The following TBC1D2B variants were observed in gnomAD, a reference collection of about 807,000 sequenced individuals.
TBC1D2B encodes the protein TBC1 domain family, member 2B.
In TBC1D2B, 64 loss-of-function variants were observed where a neutral mutation model predicts 100.8. The observed-to-expected ratio is 0.64, with a 90% CI of 0.52 to 0.78. The LOEUF is 0.78. Among genes scored for constraint, TBC1D2B ranks in the 30% least tolerant of loss-of-function variants. The pLI is 0.00. For missense variants in TBC1D2B, 1,052 were observed against 1,218.4 expected (o/e 0.86, Z 2.03); for synonymous variants, 480 against 479.7 (o/e 1.00, Z -0.01).
At chr15:78,031,840 T>C (rs886944757) in intron 3 of TBC1D2B, among the ~76,000 whole-genome samples, 1 of 152,164 alleles carries the variant, frequency 6.6e-6, no homozygotes, top group African/African-American at 2.4e-5. Context: ...TTTTTGGATA[T>C]TGGCCATCAG....
chr15:78,054,950 TAAAA>T (rs955440165), intron 1 of TBC1D2B, among the ~76,000 whole-genome samples: 1 of 151,952 alleles, frequency 6.6e-6, no homozygotes, highest in African/African-American at 2.4e-5. Context: ...GAGAAAGGAT[TAAAA>T]AAAACTGGTA....
intron 11 of TBC1D2B, 25 bp downstream of exon 11, chr15:78,003,280 A>C (rs778684520): frequency 6.2e-7 from 1 of 1,607,336 alleles, no homozygotes; most frequent in Non-Finnish European, 8.5e-7. Context: ...GTATATCTGA[A>C]AATAGCTGAG....
In TBC1D2B at chr15:78,009,121, G is replaced by T; in HGVS notation, c.2271-7C>A. On this transcript the variant is annotated splice_polypyrimidine_tract_variant and splice_region_variant and intron_variant, in intron 9 of 12. Coordinates refer to ENST00000300584, the MANE Select transcript of TBC1D2B (RefSeq NM_144572.2). ...GAGGGCCACTGCCACCAACCTACAA[G>T]CAAAGGGAGGACAAGATGAGAGCCC... is the stretch of plus-strand genomic sequence containing the variant. The T allele has an allele frequency of 6.3e-7, 1 of 1,577,274 alleles. No homozygotes were observed. Among genetic ancestry groups the T allele is most frequent in the Non-Finnish European group, 8.6e-7 (1 of 1,156,514 alleles).
intron 1 of TBC1D2B, among the ~76,000 whole-genome samples, chr15:78,069,319 A>C (rs2073710228): frequency 6.6e-6 from 1 of 152,156 alleles, no homozygotes; most frequent in Non-Finnish European, 1.5e-5. Context: ...GGCCGGCCCT[A>C]GCCACACACA....
At chr15:78,048,268 T>G (rs1023297071) in intron 2 of TBC1D2B, among the ~76,000 whole-genome samples, 1 of 152,242 alleles carries the variant, frequency 6.6e-6, no homozygotes. Context: ...TAATACATTT[T>G]TGCTGTTACT....
At chr15:78,076,551 C>G (rs1476192199) in intron 1 of TBC1D2B, among the ~76,000 whole-genome samples, 2 of 151,668 alleles carry the variant, frequency 1.3e-5, no homozygotes, top group Non-Finnish European at 2.9e-5. Flanking sequence ...TCGAGACTAG[C>G]CTGGGCAACA....
At chr15:78,000,732 T>TA (rs2071890117) in intron 12 of TBC1D2B, among the ~76,000 whole-genome samples, 1 of 152,228 alleles carries the variant, frequency 6.6e-6, no homozygotes, top group African/African-American at 2.4e-5. Context: ...CCAGGGGACA[T>TA]ACAGACGAGG....
chr15:78,056,795 C>A (rs1419580812), intron 1 of TBC1D2B, among the ~76,000 whole-genome samples: 3 of 148,890 alleles, frequency 2.0e-5, no homozygotes, highest in Non-Finnish European at 4.4e-5. Flanking sequence ...TGAGCCCAGT[C>A]TGCCAAACCC....
At position 78,024,344 on chromosome 15, in the gene TBC1D2B, T is replaced by C. The variant is rs913154264; in HGVS notation, c.1282A>G (p.Thr428Ala). ...AGCTCGCCCACTTTGCTCTTCAGCG[T>C]CCTTACTTCCTGCTGAAGACTCTCC... The part of the protein sequence containing the change: ...EKESLQQEVR[T>A]LKSKVGELNE... The change falls in exon 6 of 13, where the codon ACG becomes GCG. Residue 428 changes from threonine to alanine, a missense_variant. By Grantham distance (58) the Thr-to-Ala change is moderately conservative. Around this residue, in one of 4 missense-constraint regions of TBC1D2B, gnomAD observed 627 missense variants for 646.1 expected, o/e 0.97. Coordinates refer to ENST00000300584, the MANE Select transcript of TBC1D2B (RefSeq NM_144572.2). 1.9e-6 allele frequency: 3 copies of C among 1,613,946 alleles called. No individual in the cohort carries two copies. Among genetic ancestry groups the C allele is most frequent in the African/African-American group, 1.3e-5 (1 of 74,938 alleles).
intron 6 of TBC1D2B, among the ~76,000 whole-genome samples, chr15:78,018,912 T>C (rs1421560072): frequency 1.3e-5 from 2 of 152,154 alleles, no homozygotes; most frequent in African/African-American, 2.4e-5. Context: ...TTTACAAATT[T>C]AGTCTTTTAT....
intron 6 of TBC1D2B, among the ~76,000 whole-genome samples, chr15:78,019,908 G>A (rs2072474644): frequency 6.6e-6 from 1 of 151,706 alleles, no homozygotes; most frequent in South Asian, 2.1e-4. Context: ...AAAAGGGGGG[G>A]GGAGACAGGG....
chr15:78,068,643 C>T (rs1180084263), intron 1 of TBC1D2B, among the ~76,000 whole-genome samples: 1 of 152,218 alleles, frequency 6.6e-6, no homozygotes, highest in Admixed American at 6.5e-5. Context: ...TGGTGAGCTA[C>T]TGCCTGCTGG....
In TBC1D2B at chr15:78,045,062, ATT is replaced by A. The variant is rs1206066424; in HGVS notation, c.519_520del (p.Leu173PhefsTer43). 6.9e-6 allele frequency: 11 copies of A among 1,592,440 alleles called. No individual in the cohort carries two copies. In the Admixed American group the frequency reaches 7.1e-5, roughly 10 times the overall value. On this transcript the variant is annotated frameshift_variant, in exon 3 of 13. Coordinates refer to ENST00000300584, the MANE Select transcript of TBC1D2B (RefSeq NM_144572.2). LOFTEE classifies it high-confidence loss of function. ...TGCAGAAGCATTTGGGTGTGGGTAA[ATT>A]AAATCTGAAAAAAAAGGTAAACAAA...
intron 12 of TBC1D2B, among the ~76,000 whole-genome samples, chr15:77,999,689 C>G (rs1484209006): frequency 6.6e-6 from 1 of 152,210 alleles, no homozygotes; most frequent in Admixed American, 6.5e-5. Context: ...CCCAAACCTA[C>G]GGCGCCCAAC....
intron 1 of TBC1D2B, among the ~76,000 whole-genome samples, chr15:78,073,227 T>G (rs1360296992): frequency 1.3e-5 from 2 of 152,182 alleles, no homozygotes; most frequent in East Asian, 3.8e-4. Context: ...TCCCTAAGTT[T>G]GGGAATAGAG....
intron 3 of TBC1D2B, among the ~76,000 whole-genome samples, chr15:78,040,363 G>C (rs190053839): frequency 6.6e-6 from 1 of 152,126 alleles, no homozygotes. Flanking sequence ...CCAGTCTACT[G>C]ATACACACCA....
At chr15:78,022,529 A>T (rs187466134) in intron 6 of TBC1D2B, among the ~76,000 whole-genome samples, 1 of 147,382 alleles carries the variant, frequency 6.8e-6, no homozygotes, top group Non-Finnish European at 1.5e-5. Context: ...AAAAACAAAC[A>T]AACAAAAACC....
intron 6 of TBC1D2B, among the ~76,000 whole-genome samples, chr15:78,023,884 G>A (rs2072581515): frequency 6.6e-6 from 1 of 152,224 alleles, no homozygotes. Context: ...ACTAAGGGTG[G>A]TATATATAGA....
intron 6 of TBC1D2B, among the ~76,000 whole-genome samples, chr15:78,023,311 G>A (rs925391182): frequency 1.3e-5 from 2 of 152,292 alleles, no homozygotes; most frequent in African/African-American, 2.4e-5. Flanking sequence ...GGGTCAAACA[G>A]GCTATACTTG....
Sources: allele counts gnomAD v4.1 joint callset (sites outside exome capture counted in the v4.1 genomes callset), GRCh38; gene constraint gnomAD v4.1.1; regional missense constraint gnomAD v4.1.1; transcripts MANE v1.5; gene names NCBI Gene and HGNC (gene_info 2026-07-23, HGNC 2026-07-21).